The following CFAP299 variants were observed in gnomAD, a reference collection of about 807,000 sequenced individuals.
The protein encoded by CFAP299 is cilia- and flagella-associated protein 299.
In CFAP299, 21 loss-of-function variants were observed where a neutral mutation model predicts 27.0. The ratio of observed to expected loss-of-function variants is 0.78; its 90% CI spans 0.55 to 1.12. The LOEUF is 1.12. Among genes scored for constraint, CFAP299 ranks in the 50% most tolerant of loss-of-function variants. The pLI is 0.00. For missense variants in CFAP299, 310 were observed against 276.6 expected (o/e 1.12, Z -0.86); for synonymous variants, 104 against 98.1 (o/e 1.06, Z -0.36).
At chr4:80,549,012 T>C (rs990223142) in intron 2 of CFAP299, among the ~76,000 whole-genome samples, 3 of 152,232 alleles carry the variant, frequency 2.0e-5, no homozygotes, top group South Asian at 2.1e-4. Context: ...TCATCACATG[T>C]TTCAAGCACT....
chr4:80,546,135 G>C (rs749653684), intron 2 of CFAP299, among the ~76,000 whole-genome samples: 1 of 152,094 alleles, frequency 6.6e-6, no homozygotes, highest in Non-Finnish European at 1.5e-5. Context: ...CCCACAGCCG[G>C]TGTCACACTA....
chr4:80,848,692 G>T (rs72865120), intron 3 of CFAP299, among the ~76,000 whole-genome samples: 1 of 151,960 alleles, frequency 6.6e-6, no homozygotes, highest in African/African-American at 2.4e-5. Context: ...CGGAGGATCA[G>T]TTGAGCCCAG....
intron 4 of CFAP299, among the ~76,000 whole-genome samples, chr4:80,874,088 G>T (rs1733249355): frequency 6.6e-6 from 1 of 152,088 alleles, no homozygotes; most frequent in Non-Finnish European, 1.5e-5. Context: ...TAACATATTG[G>T]CTGATTCTCA....
chr4:80,948,380 A>G (rs1405858967), intron 5 of CFAP299, among the ~76,000 whole-genome samples: 2 of 152,160 alleles, frequency 1.3e-5, no homozygotes, highest in Non-Finnish European at 2.9e-5. Context: ...GCTGTATAAC[A>G]TCTGGAACAA....
chr4:80,445,460 T>C (rs987119265), intron 2 of CFAP299, among the ~76,000 whole-genome samples: 2 of 151,780 alleles, frequency 1.3e-5, no homozygotes, highest in African/African-American at 4.8e-5. Context: ...CACTTATAAG[T>C]GGGAGTTGAA....
At chr4:80,811,959 A>G (rs1350285804) in intron 3 of CFAP299, among the ~76,000 whole-genome samples, 1 of 152,132 alleles carries the variant, frequency 6.6e-6, no homozygotes, top group Non-Finnish European at 1.5e-5. Context: ...TATAAGCTTG[A>G]GGAAGGATTT....
chr4:80,411,806 A>G (rs1474616413), intron 2 of CFAP299, among the ~76,000 whole-genome samples: 1 of 152,074 alleles, frequency 6.6e-6, no homozygotes, highest in Non-Finnish European at 1.5e-5. Flanking sequence ...ATTTAGACTT[A>G]TTTTACTTCA....
intron 1 of CFAP299, among the ~76,000 whole-genome samples, chr4:80,353,057 A>T (rs1445995203): frequency 6.6e-6 from 1 of 152,226 alleles, no homozygotes; most frequent in African/African-American, 2.4e-5. Context: ...AAGGAATAAC[A>T]AAGAGCAGAA....
intron 2 of CFAP299, among the ~76,000 whole-genome samples, chr4:80,414,091 G>A (rs1326606656): frequency 9.8e-6 from 1 of 102,064 alleles, no homozygotes; most frequent in East Asian, 2.6e-4. Context: ...TTTTTTTTGA[G>A]ACGGAGTCTC....
At chr4:80,390,746 T>C (rs954419500) in intron 2 of CFAP299, among the ~76,000 whole-genome samples, 16 of 94,870 alleles carry the variant, frequency 1.7e-4, no homozygotes, top group Non-Finnish European at 3.5e-4. Flanking sequence ...TATATATGTA[T>C]ATATACACAC....
chr4:80,608,303 A>T (rs558522176), intron 3 of CFAP299: 2 of 1,459,368 alleles, frequency 1.4e-6, no homozygotes, highest in East Asian at 2.5e-5. Flanking sequence ...AATACACCTC[A>T]GTTGGATTTC....
chr4:80,809,526 G>C (rs564078340), intron 3 of CFAP299, among the ~76,000 whole-genome samples: 1 of 152,098 alleles, frequency 6.6e-6, no homozygotes, highest in Non-Finnish European at 1.5e-5. Context: ...TCTAGCACAT[G>C]TTGAAAATGA....
chr4:80,825,146 C>A (rs1729916723), intron 3 of CFAP299, among the ~76,000 whole-genome samples: 1 of 151,410 alleles, frequency 6.6e-6, no homozygotes, highest in African/African-American at 2.4e-5. Context: ...ACTAGAGAGC[C>A]TAAAAGGCAA....
At chr4:80,717,169 T>C (rs72864853) in intron 3 of CFAP299, among the ~76,000 whole-genome samples, 325 of 152,112 alleles carry the variant, frequency 2.1e-3, no homozygotes, top group Admixed American at 3.7e-3. Flanking sequence ...ACACAATAAC[T>C]ATGAAAAAAA....
In CFAP299 at chr4:80,787,235, A is replaced by AAT. The variant is rs534558967; in HGVS notation, c.334-82746_334-82745dup. 3.0e-3 allele frequency among the ~76,000 whole-genome samples: 443 copies of AAT among 147,786 alleles called. 2 individuals carry two copies. Among genetic ancestry groups the AAT allele is most frequent in the Middle Eastern group, 0.014 (4 of 280 alleles). On this transcript the variant is annotated intron_variant, in intron 3 of 5. Coordinates refer to ENST00000358105, the MANE Select transcript of CFAP299 (RefSeq NM_152770.3). ...AATATTTTATATATATATAAAACAT[A>AAT]ATATATATATATAGTAAATATGCAA... is the stretch of plus-strand genomic sequence containing the variant.
intron 3 of CFAP299, among the ~76,000 whole-genome samples, chr4:80,802,756 A>G (rs778801549): frequency 6.6e-6 from 1 of 151,984 alleles, no homozygotes; most frequent in Non-Finnish European, 1.5e-5. Flanking sequence ...TGCCCATTTA[A>G]TTTTGGTAAA....
chr4:80,950,260 C>T (rs552352278), intron 5 of CFAP299, among the ~76,000 whole-genome samples: 14 of 151,782 alleles, frequency 9.2e-5, no homozygotes, highest in East Asian at 5.9e-4. Context: ...TCCACCCCCC[C>T]CCTTTCTCAT....
At chr4:80,499,888 A>G (rs1241350529) in intron 2 of CFAP299, among the ~76,000 whole-genome samples, 2 of 152,078 alleles carry the variant, frequency 1.3e-5, no homozygotes, top group Admixed American at 6.6e-5. Context: ...TTCACATCTC[A>G]TATTTTATTT....
intron 2 of CFAP299, among the ~76,000 whole-genome samples, chr4:80,508,034 G>T (rs756633399): frequency 2.0e-5 from 3 of 151,996 alleles, no homozygotes; most frequent in Non-Finnish European, 4.4e-5. Flanking sequence ...ACCTTAAAAG[G>T]TATGTCATGT....
Sources: gnomAD v4.1 joint callset for allele counts (sites outside exome capture counted in the v4.1 genomes callset) on GRCh38, gnomAD v4.1.1 for gene constraint, MANE v1.5 for transcripts, NCBI Gene and HGNC (gene_info 2026-07-23, HGNC 2026-07-21) for gene names.